Variants in VPS8 observed in about 807,000 individuals in gnomAD.
VPS8 encodes the protein vacuolar protein sorting-associated protein 8 homolog.
In VPS8, 129 loss-of-function variants were observed where a neutral mutation model predicts 216.4. The ratio of observed to expected loss-of-function variants is 0.60; its 90% CI spans 0.52 to 0.69. VPS8 has a LOEUF of 0.69. VPS8 is among the 30% of genes least tolerant of loss of function. VPS8 has a pLI of 0.00. For synonymous variants in VPS8, 571 were observed against 565.4 expected, an observed-to-expected ratio of 1.01 and a Z score of -0.14; for missense variants, 1,531 against 1,683.5, an observed-to-expected ratio of 0.91 and a Z score of 1.59.
In VPS8 at chr3:184,860,049, A is replaced by G; in HGVS notation, c.1208A>G (p.Asp403Gly). ...TKQKHLHLYY[D>G]LINFTWINSR... The stretch of plus-strand genomic sequence containing the variant: ...CAAAAGCATCTTCACCTATACTATG[A>G]CCTCATCAACTTTACCGTGAGTATT... Residue 403 changes from aspartate to glycine, a missense_variant, in exon 15 of 48, where the codon GAC becomes GGC. Asp to Gly is a moderately conservative substitution (Grantham distance 94). Around this residue, in one of 3 missense-constraint regions of VPS8, gnomAD observed 1,318 missense variants for 1,468.4 expected, o/e 0.90. Coordinates refer to ENST00000625842, the MANE Select transcript of VPS8 (RefSeq NM_001009921.3). 6.2e-7 allele frequency: 1 copy of G among 1,611,254 alleles called. No homozygotes were observed. Among genetic ancestry groups the G allele is most frequent in the Non-Finnish European group, 8.5e-7 (1 of 1,177,944 alleles).
chr3:184,862,175 C>T (rs1726507912), intron 15 of VPS8, among the ~76,000 whole-genome samples: 1 of 152,058 alleles, frequency 6.6e-6, no homozygotes, highest in African/African-American at 2.4e-5. Context: ...TTCGTTCTGG[C>T]GACTTCTGAA....
At chr3:185,004,841 T>C (rs1577128127) in intron 45 of VPS8, among the ~76,000 whole-genome samples, 1 of 152,154 alleles carries the variant, frequency 6.6e-6, no homozygotes, top group Non-Finnish European at 1.5e-5. Context: ...TTATTTCTTT[T>C]GCTGTGCAGA....
chr3:184,986,628 A>G (rs966329776), intron 42 of VPS8, among the ~76,000 whole-genome samples: 3 of 152,190 alleles, frequency 2.0e-5, no homozygotes, highest in African/African-American at 7.2e-5. Flanking sequence ...CAGAGGAATA[A>G]ACCCTAAACA....
rs1156433529 is a variant in VPS8, at chr3:184,818,689, ATGT to A, written c.-88-5852_-88-5850del. On this transcript the variant is annotated intron_variant, in intron 1 of 47. Transcript: ENST00000625842. The stretch of plus-strand genomic sequence containing the variant: ...AGGCCAAAAATAAAATTTGCATGTA[ATGT>A]TGTACTATATCATGATTTTGTGATT... Among the ~76,000 whole-genome samples the A allele has an allele frequency of 3.3e-5, 5 of 152,276 alleles. No individual in the cohort carries two copies. The East Asian group carries it at 7.7e-4, about 23-fold the overall frequency.
intron 23 of VPS8, among the ~76,000 whole-genome samples, chr3:184,896,514 A>G (rs998418009): frequency 2.0e-5 from 3 of 151,890 alleles, no homozygotes. Context: ...CTAGGTTGCT[A>G]TTTTCATTTT....
At chr3:184,976,173 C>T (rs772794706) in intron 40 of VPS8, among the ~76,000 whole-genome samples, 12 of 152,006 alleles carry the variant, frequency 7.9e-5, no homozygotes, top group Admixed American at 2.0e-4. Flanking sequence ...CTCATACTTG[C>T]TTCCTACTCT....
rs574535978 is a variant in VPS8 at position 184,827,083 on chromosome 3, C to T, written c.222+852C>T. ...GCAATGTATAAATCTATTTCAAATC[C>T]GCAGTTATGTTTTCCAAAAGATAAA... On this transcript the variant is annotated intron_variant, in intron 3 of 47. Coordinates refer to ENST00000625842, the MANE Select transcript of VPS8 (RefSeq NM_001009921.3). Among the ~76,000 whole-genome samples the T allele has an allele frequency of 2.0e-3, 306 of 152,234 alleles. 3 individuals carry two copies. The highest frequency in any genetic ancestry group is 7.0e-3 in the African/African-American group (290 of 41,542).
In VPS8 at chr3:184,983,217, A is replaced by G. The variant is rs1312053299; in HGVS notation, c.3585+123A>G. 16 of 748,828 alleles carry G rather than the reference A, an allele frequency of 2.1e-5. No individual in the cohort carries two copies. In the South Asian group the frequency reaches 3.5e-4, roughly 16 times the overall value. 46.4% of individuals were successfully genotyped at this position (748,828 alleles called of 1,614,324 possible). ...AGCATAATGCAGCTAATTTTTGGCA[A>G]TAGCTAAATATCTAAATATCTAACT... On this transcript the variant is annotated intron_variant, in intron 42 of 47. Coordinates refer to ENST00000625842, the MANE Select transcript of VPS8 (RefSeq NM_001009921.3).
At chr3:184,911,112 A>G (rs1156433744) in intron 25 of VPS8, among the ~76,000 whole-genome samples, 1 of 152,224 alleles carries the variant, frequency 6.6e-6, no homozygotes, top group Non-Finnish European at 1.5e-5. Context: ...GATCTTTTAT[A>G]ATGAAAAGTT....
chr3:184,964,597 A>T, intron 38 of VPS8, 40 bp downstream of exon 38: 2 of 1,270,198 alleles, frequency 1.6e-6, no homozygotes, highest in Non-Finnish European at 2.1e-6. Flanking sequence ...ATTTCTGTCT[A>T]TTCCTCTATT....
At chr3:185,032,426 CA>C (rs1758302902) in intron 46 of VPS8, among the ~76,000 whole-genome samples, 1 of 151,976 alleles carries the variant, frequency 6.6e-6, no homozygotes, top group Admixed American at 6.6e-5. Flanking sequence ...GGTGGGTAAA[CA>C]AAGCTAGAAA....
intron 15 of VPS8, among the ~76,000 whole-genome samples, chr3:184,860,468 T>TACACACACAC (rs59791657): frequency 4.1e-5 from 6 of 147,212 alleles, no homozygotes; most frequent in South Asian, 2.2e-4. Context: ...TACACACACA[T>TACACACACAC]ACACACACAC....
intron 25 of VPS8, among the ~76,000 whole-genome samples, chr3:184,905,122 A>G (rs1476624471): frequency 1.3e-5 from 2 of 152,100 alleles, no homozygotes; most frequent in Non-Finnish European, 2.9e-5. Context: ...CTTTTTTACT[A>G]CAGCATTAAT....
intron 21 of VPS8, among the ~76,000 whole-genome samples, chr3:184,883,151 C>T (rs1730569629): frequency 6.6e-6 from 1 of 152,074 alleles, no homozygotes; most frequent in South Asian, 2.1e-4. Context: ...GATTTTAAAC[C>T]CCAGTGACTT....
intron 22 of VPS8, among the ~76,000 whole-genome samples, chr3:184,889,601 G>T (rs1445658798): frequency 1.3e-5 from 2 of 151,882 alleles, no homozygotes; most frequent in Non-Finnish European, 2.9e-5. Flanking sequence ...CAGCATGTGT[G>T]TTCTTATTGT....
At chr3:184,855,469 T>C (rs927880811) in intron 13 of VPS8, among the ~76,000 whole-genome samples, 1 of 152,214 alleles carries the variant, frequency 6.6e-6, no homozygotes, top group African/African-American at 2.4e-5. Flanking sequence ...TGAGTGTACA[T>C]TTGCTGAACT....
intron 2 of VPS8, 136 bp from the exon 3 acceptor site, chr3:184,826,027 A>T (rs1343459522): frequency 3.2e-6 from 2 of 625,466 alleles, no homozygotes; most frequent in Admixed American, 3.0e-5. Context: ...CTTGATTATT[A>T]CTGTGGATTT....
At chr3:184,823,885 T>C (rs897543763) in intron 1 of VPS8, among the ~76,000 whole-genome samples, 7 of 152,306 alleles carry the variant, frequency 4.6e-5, no homozygotes, top group African/African-American at 1.7e-4. Context: ...AAGTTTCTAG[T>C]TTTCTTTAGT....
intron 10 of VPS8, among the ~76,000 whole-genome samples, chr3:184,850,787 G>T (rs1477503064): frequency 6.6e-6 from 1 of 152,174 alleles, no homozygotes; most frequent in Non-Finnish European, 1.5e-5. Context: ...TCATCCGTAA[G>T]TATGCTTTTT....
Sources: gnomAD v4.1 joint callset for allele counts (sites outside exome capture counted in the v4.1 genomes callset) on GRCh38, gnomAD v4.1.1 for gene constraint, gnomAD v4.1.1 regional missense constraint, MANE v1.5 for transcripts, NCBI Gene and HGNC (gene_info 2026-07-23, HGNC 2026-07-21) for gene names.